NRXN3: variants seen among roughly 807,000 people sequenced by gnomAD.
NRXN3 encodes neurexin III.
NRXN3 carries 32 observed loss-of-function variants against 137.6 expected under a neutral mutation model. The ratio of observed to expected loss-of-function variants is 0.23; its 90% confidence interval spans 0.18 to 0.31. NRXN3 has a LOEUF of 0.31. Among genes scored for constraint, NRXN3 ranks in the 10% least tolerant of loss-of-function variants. The pLI, the probability that NRXN3 is intolerant of heterozygous loss-of-function variation, is 1.00. For missense variants in NRXN3, 1,574 were observed against 2,062.5 expected, an observed-to-expected ratio of 0.76 and a Z score of 4.59; for synonymous variants, 798 against 784.5, an observed-to-expected ratio of 1.02 and a Z score of -0.29.
At chr14:78,698,574 G>A (rs2098249941) in intron 6 of NRXN3, among the ~76,000 whole-genome samples, 1 of 151,784 alleles carries the variant, frequency 6.6e-6, no homozygotes, top group Non-Finnish European at 1.5e-5. Flanking sequence ...TGTCATATTA[G>A]AGGTGTCCAG....
intron 4 of NRXN3, among the ~76,000 whole-genome samples, chr14:78,574,309 T>A (rs537920521): frequency 2.0e-5 from 3 of 152,358 alleles, no homozygotes; most frequent in African/African-American, 7.2e-5. Flanking sequence ...CTAGTGAAGC[T>A]GTGAGTAGAG....
intron 15 of NRXN3, among the ~76,000 whole-genome samples, chr14:79,090,422 T>C (rs910611628): frequency 2.6e-5 from 4 of 152,180 alleles, no homozygotes; most frequent in African/African-American, 9.6e-5. Context: ...AAGTTCCCTT[T>C]TGCCATGAAA....
At chr14:79,371,050 G>T (rs2094091443) in intron 15 of NRXN3, among the ~76,000 whole-genome samples, 1 of 152,126 alleles carries the variant, frequency 6.6e-6, no homozygotes, top group Non-Finnish European at 1.5e-5. Flanking sequence ...CTCTCATATT[G>T]TGTGAGAAAA....
intron 14 of NRXN3, among the ~76,000 whole-genome samples, chr14:78,976,392 G>A (rs71414773): frequency 0.086 from 13,086 of 152,156 alleles, 872 homozygotes; most frequent in Non-Finnish European, 0.11. Flanking sequence ...GGTGCTAAGT[G>A]CTGGCTATTT....
At chr14:79,220,614 A>G (rs1032752240) in intron 15 of NRXN3, among the ~76,000 whole-genome samples, 10 of 152,148 alleles carry the variant, frequency 6.6e-5, no homozygotes, top group African/African-American at 2.4e-4. Context: ...ACTGTCAAGT[A>G]ATCTTTTTAC....
chr14:79,093,707 G>T (rs975705645), intron 15 of NRXN3, among the ~76,000 whole-genome samples: 1 of 152,136 alleles, frequency 6.6e-6, no homozygotes, highest in Non-Finnish European at 1.5e-5. Flanking sequence ...TGGTGCAGAG[G>T]TTAGATAAAT....
At chr14:78,739,763 G>T (rs1002438434) in intron 8 of NRXN3, among the ~76,000 whole-genome samples, 4 of 152,128 alleles carry the variant, frequency 2.6e-5, no homozygotes, top group Admixed American at 2.0e-4. Flanking sequence ...CCATCTCCTT[G>T]TATCTTATGT....
At chr14:79,525,428 C>T (rs1053612252) in intron 16 of NRXN3, among the ~76,000 whole-genome samples, 1 of 137,178 alleles carries the variant, frequency 7.3e-6, no homozygotes, top group Admixed American at 7.2e-5. Flanking sequence ...TCCTGCAATC[C>T]GTATGTCATT....
intron 4 of NRXN3, among the ~76,000 whole-genome samples, chr14:78,548,531 A>C (rs982617753): frequency 6.6e-6 from 1 of 152,224 alleles, no homozygotes; most frequent in Non-Finnish European, 1.5e-5. Flanking sequence ...ATGTAACTGC[A>C]CTTCAGAAGT....
At chr14:79,392,394 A>G (rs759273725) in intron 15 of NRXN3, among the ~76,000 whole-genome samples, 1 of 152,134 alleles carries the variant, frequency 6.6e-6, no homozygotes, top group Non-Finnish European at 1.5e-5. Flanking sequence ...GTCTGTCATC[A>G]GTAGGCATTT....
At chr14:78,685,207 A>T (rs756192068) in intron 6 of NRXN3, among the ~76,000 whole-genome samples, 7 of 152,208 alleles carry the variant, frequency 4.6e-5, no homozygotes, top group Non-Finnish European at 7.3e-5. Flanking sequence ...CATTGGTGCA[A>T]CAACTTTCTA....
chr14:79,736,509 G>C (rs1227544618), intron 19 of NRXN3, among the ~76,000 whole-genome samples: 1 of 152,150 alleles, frequency 6.6e-6, no homozygotes. Flanking sequence ...AGGTCTATCA[G>C]TTAGTGTATC....
chr14:78,437,849 C>A lies in NRXN3; in HGVS notation c.757+139989C>A, dbSNP rs745545057. 2.1e-4 allele frequency among the ~76,000 whole-genome samples: 32 copies of A among 152,144 alleles called. 2 individuals are homozygous for A. Among genetic ancestry groups the A allele is most frequent in the Admixed American group, 1.2e-3 (18 of 15,276 alleles). ...ATGAACACCTTAACTAATAATAAAT[C>A]AATTAAAAAATTTAACGGTAAGAGA... On this transcript the variant is annotated intron_variant, in intron 4 of 20. Coordinates refer to ENST00000335750, the MANE Select transcript of NRXN3 (RefSeq NM_001330195.2).
At chr14:78,631,253 C>T (rs972547338) in intron 4 of NRXN3, among the ~76,000 whole-genome samples, 5 of 152,248 alleles carry the variant, frequency 3.3e-5, no homozygotes, top group East Asian at 1.9e-4. Flanking sequence ...GATGAGCCAC[C>T]GGTCCTCATT....
intron 8 of NRXN3, among the ~76,000 whole-genome samples, chr14:78,718,420 A>G (rs748679337): frequency 4.6e-5 from 7 of 152,154 alleles, no homozygotes; most frequent in Non-Finnish European, 8.8e-5. Context: ...CAGACACTAG[A>G]CACTACATCA....
At chr14:78,784,870 C>T (rs1022969981) in intron 8 of NRXN3, among the ~76,000 whole-genome samples, 16 of 152,076 alleles carry the variant, frequency 1.1e-4, no homozygotes, top group Admixed American at 4.6e-4. Context: ...AAGGAGCAGC[C>T]TGAGCAAAGT....
At chr14:79,176,964 TA>T (rs1208646323) in intron 15 of NRXN3, among the ~76,000 whole-genome samples, 1 of 152,174 alleles carries the variant, frequency 6.6e-6, no homozygotes, top group Non-Finnish European at 1.5e-5. Context: ...GACTAGGTGA[TA>T]AATGAATGAT....
chr14:79,322,896 A>G (rs1470895164), intron 15 of NRXN3, among the ~76,000 whole-genome samples: 1 of 152,238 alleles, frequency 6.6e-6, no homozygotes. Context: ...ATTCTGAGTA[A>G]GAAAACATGA....
At chr14:79,447,581 G>C (rs968775321) in intron 15 of NRXN3, among the ~76,000 whole-genome samples, 1 of 152,288 alleles carries the variant, frequency 6.6e-6, no homozygotes, top group African/African-American at 2.4e-5. Context: ...GAACTATCTA[G>C]GAAGGACCTG....
Sources: allele counts gnomAD v4.1 joint callset (sites outside exome capture counted in the v4.1 genomes callset), GRCh38; gene constraint gnomAD v4.1.1; transcripts MANE v1.5; gene names NCBI Gene and HGNC (gene_info 2026-07-23, HGNC 2026-07-21).